Variants in GIGYF2 observed in about 807,000 individuals in gnomAD.
GIGYF2 encodes GRB10-interacting GYF protein 2.
GIGYF2 carries 25 observed loss-of-function variants against 208.1 expected under a neutral mutation model. That is an observed-to-expected ratio of 0.12 (90% confidence interval 0.09 to 0.17). GIGYF2 has a LOEUF of 0.17. Among genes scored for constraint, GIGYF2 ranks in the 10% least tolerant of loss-of-function variants. The pLI is 1.00. For missense variants in GIGYF2, 1,302 were observed against 1,579.4 expected (o/e 0.82, Z 2.98); for synonymous variants, 534 against 543.8 (o/e 0.98, Z 0.25).
At chr2:232,780,829 CTG>C (rs1347994577) in intron 8 of GIGYF2, among the ~76,000 whole-genome samples, 3 of 152,216 alleles carry the variant, frequency 2.0e-5, no homozygotes, top group Non-Finnish European at 4.4e-5. Context: ...GGCCATGTAA[CTG>C]TCTCTCACTC....
chr2:232,710,684 T>G (rs527607900), intron 2 of GIGYF2, among the ~76,000 whole-genome samples: 4 of 148,998 alleles, frequency 2.7e-5, no homozygotes, highest in African/African-American at 1.0e-4. Context: ...ATTTTGGATC[T>G]TGGTGTTCTT....
At chr2:232,771,336 A>G in intron 8 of GIGYF2, 3 of 1,612,962 alleles carry the variant, frequency 1.9e-6, no homozygotes, top group Non-Finnish European at 1.7e-6. Flanking sequence ...GGAGAGGAGC[A>G]ATAACTTTGC....
At position 232,749,101 on chromosome 2, in the gene GIGYF2, GC is replaced by G. The variant is rs747570430; in HGVS notation, c.267+23del. 1 of 1,203,184 alleles carries G rather than the reference GC, an allele frequency of 8.3e-7. No individual in the cohort carries two copies. The highest frequency in any genetic ancestry group is 1.2e-6 in the Non-Finnish European group (1 of 804,488). The allele number at this position is 1,203,184 out of a possible 1,614,324, so 74.5% of individuals were successfully genotyped here. On this transcript the variant is annotated intron_variant, in intron 5 of 28. Coordinates refer to ENST00000373563, the MANE Select transcript of GIGYF2 (RefSeq NM_001103146.3). ...AGAACAGGTTTGTGATTAGCTCTGAGCCCCAGCAAACTCTTATTCTTTTCCT... is the reference window on the plus strand; with the variant it reads ...AGAACAGGTTTGTGATTAGCTCTGAGCCCAGCAAACTCTTATTCTTTTCCT...
intron 28 of GIGYF2, among the ~76,000 whole-genome samples, 165 bp downstream of exon 28, chr2:232,850,574 C>A (rs1247067901): frequency 6.6e-6 from 1 of 152,104 alleles, no homozygotes; most frequent in Admixed American, 6.5e-5. Context: ...ATTTACTGGG[C>A]GTCTCAGTGC....
chr2:232,848,486 T>A (rs1344754607), intron 27 of GIGYF2, among the ~76,000 whole-genome samples: 5 of 152,000 alleles, frequency 3.3e-5, no homozygotes, highest in Non-Finnish European at 5.9e-5. Context: ...ATACAAAGAT[T>A]AGCCAGGCAT....
intron 28 of GIGYF2, among the ~76,000 whole-genome samples, chr2:232,850,905 G>A (rs558918429): frequency 6.6e-6 from 1 of 152,298 alleles, no homozygotes; most frequent in African/African-American, 2.4e-5. Context: ...CCAATAATGA[G>A]TAGACCAAGG....
chr2:232,845,876 T>C lies in GIGYF2; in HGVS notation c.3450T>C (p.Asn1150=). 6.2e-7 allele frequency: 1 copy of C among 1,602,410 alleles called. No homozygotes were observed. Among genetic ancestry groups the C allele is most frequent in the South Asian group, 1.1e-5 (1 of 90,820 alleles). The change falls in exon 26 of 29, where the codon AAT becomes AAC. Residue 1150 remains asparagine (N), a synonymous_variant. Transcript: ENST00000373563. ...EQMLHALNTA[N]NLDVPTFVSF... ...TGCTTCATGCCCTTAATACGGCAAATAACTTGGATGGTAAGAATTGGGGAG... is the reference window on the plus strand; with the variant it reads ...TGCTTCATGCCCTTAATACGGCAAACAACTTGGATGGTAAGAATTGGGGAG...
intron 2 of GIGYF2, among the ~76,000 whole-genome samples, chr2:232,704,400 T>G (rs1695991745): frequency 6.6e-6 from 1 of 152,100 alleles, no homozygotes; most frequent in African/African-American, 2.4e-5. Flanking sequence ...TTAGTGCTGT[T>G]TTTTGTTTGT....
intron 2 of GIGYF2, among the ~76,000 whole-genome samples, chr2:232,730,714 T>C (rs1273087015): frequency 3.4e-5 from 5 of 147,992 alleles, no homozygotes; most frequent in African/African-American, 1.2e-4. Flanking sequence ...CCGGCTAAAA[T>C]GGTGAAACCC....
intron 19 of GIGYF2, 37 bp from the exon 20 acceptor site, chr2:232,816,834 G>T (rs763318217): frequency 6.5e-7 from 1 of 1,547,138 alleles, no homozygotes. Flanking sequence ...CCTGTGCTTG[G>T]TTTCAAGTTT....
chr2:232,729,976 C>T, intron 2 of GIGYF2: 1 of 724,882 alleles, frequency 1.4e-6, no homozygotes, highest in East Asian at 2.5e-5. Context: ...TTGACCAAAG[C>T]CTTCTTCACT....
intron 8 of GIGYF2, among the ~76,000 whole-genome samples, chr2:232,763,017 CT>C (rs1431411130): frequency 6.6e-6 from 1 of 151,638 alleles, no homozygotes; most frequent in East Asian, 1.9e-4. Flanking sequence ...GAGTGAGACC[CT>C]GTCAAAAAAA....
At chr2:232,757,843 A>G (rs958344548) in intron 6 of GIGYF2, among the ~76,000 whole-genome samples, 24 of 137,418 alleles carry the variant, frequency 1.7e-4, no homozygotes, top group African/African-American at 5.8e-4. Flanking sequence ...TTGGTTTATG[A>G]TTGAATTTCT....
At position 232,769,505 on chromosome 2, in the gene GIGYF2, CAAAAAAA is replaced by C. The variant is rs34912964; in HGVS notation, c.532+8085_532+8091del. Among the ~76,000 whole-genome samples, 483 of 66,540 alleles carry C rather than the reference CAAAAAAA, an allele frequency of 7.3e-3. 2 individuals carry two copies. Among genetic ancestry groups the C allele is most frequent in the Non-Finnish European group, 0.011 (354 of 31,240 alleles). The allele number at this position is 66,540 out of a possible 152,430, so 43.7% of individuals were successfully genotyped here. A position where few individuals can be genotyped will look rare whatever the true frequency, so the allele number is the denominator to read the frequency against. ...TGGGCAACAGAGGAAGACTCCATCT[CAAAAAAA>C]AAAAAAAAAAAAAAAGTGATATTTT... On this transcript the variant is annotated intron_variant, in intron 8 of 28. Coordinates refer to ENST00000373563, the MANE Select transcript of GIGYF2 (RefSeq NM_001103146.3).
At chr2:232,760,781 A>G (rs932888450) in intron 7 of GIGYF2, 190 bp downstream of exon 7, 46 of 545,642 alleles carry the variant, frequency 8.4e-5, no homozygotes, top group Middle Eastern at 4.9e-4. Flanking sequence ...CGGATTCTAG[A>G]TAGATAGGTT....
At chr2:232,707,518 G>T (rs1477037854) in intron 2 of GIGYF2, among the ~76,000 whole-genome samples, 1 of 152,158 alleles carries the variant, frequency 6.6e-6, no homozygotes, top group South Asian at 2.1e-4. Context: ...ACCATGACCA[G>T]ATGTCTTCAG....
At chr2:232,758,683 A>C (rs993851069) in intron 6 of GIGYF2, among the ~76,000 whole-genome samples, 1 of 152,146 alleles carries the variant, frequency 6.6e-6, no homozygotes, top group Non-Finnish European at 1.5e-5. Context: ...AAAATATTTT[A>C]TATGTGTTTT....
intron 14 of GIGYF2, among the ~76,000 whole-genome samples, chr2:232,802,434 T>G (rs1315543466): frequency 6.6e-6 from 1 of 152,196 alleles, no homozygotes; most frequent in Admixed American, 6.5e-5. Context: ...CTCTCTATTC[T>G]TAGTTTCTTG....
At chr2:232,830,366 C>T (rs928248014) in intron 21 of GIGYF2, among the ~76,000 whole-genome samples, 4 of 152,082 alleles carry the variant, frequency 2.6e-5, no homozygotes, top group African/African-American at 9.7e-5. Flanking sequence ...GTTGGTCCAA[C>T]CATGGTACTC....
Sources: allele counts gnomAD v4.1 joint callset (sites outside exome capture counted in the v4.1 genomes callset), GRCh38; gene constraint gnomAD v4.1.1; transcripts MANE v1.5; gene names NCBI Gene and HGNC (gene_info 2026-07-23, HGNC 2026-07-21).